The following SEMA6A variants were observed in gnomAD, a reference collection of about 807,000 sequenced individuals.
SEMA6A encodes the protein semaphorin 6A.
Under a neutral mutation model 96.8 loss-of-function variants are expected in SEMA6A, and 25 were observed. The observed-to-expected ratio is 0.26, with a 90% CI of 0.19 to 0.36. SEMA6A has a LOEUF of 0.36. Ranked by LOEUF, SEMA6A falls within the 10% of genes least tolerant of loss-of-function variation. The probability of loss-of-function intolerance (pLI) is 1.00; values close to 1 mark genes in which losing one functional copy is unlikely to be tolerated. For synonymous variants in SEMA6A, 612 were observed against 518.0 expected, an observed-to-expected ratio of 1.18 and a Z score of -2.46; for missense variants, 1,363 against 1,323.1, an observed-to-expected ratio of 1.03 and a Z score of -0.47.
rs139083530 is a variant in SEMA6A at position 116,488,132 on chromosome 5, T to C, written c.720A>G (p.Ala240=). The C allele has an allele frequency of 2.6e-4, 424 of 1,611,508 alleles. 3 individuals carry two copies. In the African/African-American group the frequency reaches 4.9e-3, roughly 18 times the overall value. The change falls in exon 9 of 19, where the codon GCA becomes GCG. Residue 240 remains alanine (A), a synonymous_variant. Transcript: ENST00000343348. ...CCTTTCCCATGGTGTTATACTCCACTGCTATTTCCCTGAAGAAGAAGTAGA... is the reference window on the plus strand; with the variant it reads ...CCTTTCCCATGGTGTTATACTCCACCGCTATTTCCCTGAAGAAGAAGTAGA... ...DYIYFFFREI[A]VEYNTMGKVV...
At chr5:116,451,968 A>G (rs1580441380) in intron 18 of SEMA6A, among the ~76,000 whole-genome samples, 1 of 76,190 alleles carries the variant, frequency 1.3e-5, no homozygotes, top group African/African-American at 6.6e-5. Flanking sequence ...GAATAATTAG[A>G]AAAAAAAAAA....
chr5:116,531,173 AGAGTT>A (rs919649329), intron 1 of SEMA6A, among the ~76,000 whole-genome samples: 6 of 144,396 alleles, frequency 4.2e-5, no homozygotes, highest in African/African-American at 1.3e-4. Context: ...GCACTATACT[AGAGTT>A]GAGTGTGGGG....
intron 18 of SEMA6A, among the ~76,000 whole-genome samples, chr5:116,454,797 TGTGTGTGTGTGTGCATGTGTGTGTGCGC>T (rs1422769699): frequency 1.3e-5 from 2 of 150,358 alleles, no homozygotes; most frequent in East Asian, 3.9e-4. Context: ...TAAGTGTGTG[TGTGTGTGTGTGTGCATGTGTGTGTGCGC>T]GTGTGTGTGT....
intron 1 of SEMA6A, among the ~76,000 whole-genome samples, chr5:116,552,493 G>A (rs1389878737): frequency 6.6e-6 from 1 of 151,990 alleles, no homozygotes; most frequent in Non-Finnish European, 1.5e-5. Context: ...TGGGTCAACT[G>A]ATGATTTGCT....
At chr5:116,570,273 G>C (rs1761156711) in intron 1 of SEMA6A, among the ~76,000 whole-genome samples, 3 of 152,206 alleles carry the variant, frequency 2.0e-5, no homozygotes, top group African/African-American at 4.8e-5. Context: ...TTTTAAAGCA[G>C]ATGAGAAAAG....
intron 15 of SEMA6A, among the ~76,000 whole-genome samples, chr5:116,476,799 T>C (rs549040602): frequency 6.6e-6 from 1 of 152,362 alleles, no homozygotes; most frequent in African/African-American, 2.4e-5. Flanking sequence ...TACAGAGCTC[T>C]AAGATTATAG....
At chr5:116,461,034 G>C (rs992849489) in intron 18 of SEMA6A, among the ~76,000 whole-genome samples, 3 of 151,996 alleles carry the variant, frequency 2.0e-5, no homozygotes, top group Middle Eastern at 3.4e-3. Flanking sequence ...ATCTTTATGG[G>C]TCGTGTATAG....
At chr5:116,476,793 G>A (rs42361) in intron 15 of SEMA6A, among the ~76,000 whole-genome samples, 143,803 of 152,290 alleles carry the variant, frequency 0.94, 68,094 homozygotes, top group East Asian at 1. Context: ...CAAAGGTACA[G>A]AGCTCTAAGA....
At chr5:116,471,942 T>G (rs373403363) in intron 17 of SEMA6A, among the ~76,000 whole-genome samples, 167 of 152,254 alleles carry the variant, frequency 1.1e-3, no homozygotes, top group South Asian at 8.5e-3. Context: ...TTTTTCTCCC[T>G]CCCTTATTTA....
chr5:116,448,795 A>G (rs1213536488), intron 18 of SEMA6A, among the ~76,000 whole-genome samples: 3 of 146,756 alleles, frequency 2.0e-5, no homozygotes, highest in Non-Finnish European at 1.5e-5. Context: ...ACTCAATTTC[A>G]GGTAACTATC....
rs778322551 is a variant in SEMA6A at position 116,491,705 on chromosome 5, AAGCAAG to A, written c.535+29_535+34del. ...CACAGTGACAGGATGAAACAAGCAA[AAGCAAG>A]TGCAACGAGGAGAAATCAGGTCGCT... On this transcript the variant is annotated intron_variant, in intron 7 of 18. Coordinates refer to ENST00000343348, the MANE Select transcript of SEMA6A (RefSeq NM_020796.5). The A allele has an allele frequency of 1.9e-6, 3 of 1,551,204 alleles. No homozygotes were observed. In the East Asian group the frequency reaches 6.7e-5, roughly 35 times the overall value.
At chr5:116,449,379 C>A (rs1215219375) in intron 18 of SEMA6A, 1 of 702,090 alleles carries the variant, frequency 1.4e-6, no homozygotes, top group Non-Finnish European at 2.6e-6. Flanking sequence ...GAATATGTTT[C>A]ATGTATTTTA....
chr5:116,566,662 G>A (rs1761039963), intron 1 of SEMA6A, among the ~76,000 whole-genome samples: 1 of 152,232 alleles, frequency 6.6e-6, no homozygotes, highest in Non-Finnish European at 1.5e-5. Flanking sequence ...CCCTTCTGCT[G>A]TGCCTTTTAG....
chr5:116,510,135 T>C (rs1198718503), intron 1 of SEMA6A, among the ~76,000 whole-genome samples: 1 of 152,072 alleles, frequency 6.6e-6, no homozygotes, highest in Non-Finnish European at 1.5e-5. Context: ...AGCAAAGAAA[T>C]CCCAGCATGC....
chr5:116,451,703 G>A (rs746496873), intron 18 of SEMA6A, among the ~76,000 whole-genome samples: 1 of 151,978 alleles, frequency 6.6e-6, no homozygotes, highest in African/African-American at 2.4e-5. Flanking sequence ...TCTAAACTTG[G>A]GAGGTAATCT....
intron 1 of SEMA6A, among the ~76,000 whole-genome samples, chr5:116,510,173 C>A (rs1017128546): frequency 1.3e-5 from 2 of 151,866 alleles, no homozygotes; most frequent in African/African-American, 4.8e-5. Flanking sequence ...ACTTCAGGAC[C>A]CAGTTCAAGT....
At chr5:116,513,608 T>C (rs558433593) in intron 1 of SEMA6A, among the ~76,000 whole-genome samples, 42 of 152,130 alleles carry the variant, frequency 2.8e-4, no homozygotes, top group Middle Eastern at 3.4e-3. Flanking sequence ...TTTCTTTTTT[T>C]TTTTTTTTAA....
intron 12 of SEMA6A, 136 bp from the exon 13 acceptor site, chr5:116,478,854 C>T (rs1756605181): frequency 6.9e-6 from 6 of 867,022 alleles, no homozygotes; most frequent in Non-Finnish European, 6.9e-6. Flanking sequence ...ATAATGTTCT[C>T]AAGTGGTTCT....
At chr5:116,490,891 T>C (rs1561492960) in intron 7 of SEMA6A, among the ~76,000 whole-genome samples, 1 of 152,230 alleles carries the variant, frequency 6.6e-6, no homozygotes. Flanking sequence ...CAGCTGGTAA[T>C]GAATTCCTAA....
Sources: gnomAD v4.1 joint callset for allele counts (sites outside exome capture counted in the v4.1 genomes callset) on GRCh38, gnomAD v4.1.1 for gene constraint, MANE v1.5 for transcripts, NCBI Gene and HGNC (gene_info 2026-07-23, HGNC 2026-07-21) for gene names.